ADGRV1: variants seen among roughly 807,000 people sequenced by gnomAD.
ADGRV1 encodes the protein G-protein coupled receptor 98.
ADGRV1 carries 359 observed loss-of-function variants against 596.2 expected under a neutral mutation model. The observed-to-expected ratio is 0.60, with a 90% CI of 0.55 to 0.66. The LOEUF is 0.66. ADGRV1 is among the 30% of genes least tolerant of loss of function. The probability of loss-of-function intolerance (pLI) is 0.00; values close to 1 mark genes in which losing one functional copy is unlikely to be tolerated. For missense variants in ADGRV1, 7,274 were observed against 7,575.6 expected (o/e 0.96, Z 1.48); for synonymous variants, 2,681 against 2,679.2 (o/e 1.00, Z -0.02).
At chr5:90,978,781 T>C (rs1466577728) in intron 84 of ADGRV1, among the ~76,000 whole-genome samples, 1 of 152,216 alleles carries the variant, frequency 6.6e-6, no homozygotes, top group Admixed American at 6.5e-5. Context: ...CATATATATG[T>C]ATATAAACAA....
At chr5:90,808,682 G>C (rs980131359) in intron 73 of ADGRV1, among the ~76,000 whole-genome samples, 2 of 152,176 alleles carry the variant, frequency 1.3e-5, no homozygotes, top group African/African-American at 4.8e-5. Context: ...ATCACCTGAG[G>C]TTAGGAACTC....
intron 78 of ADGRV1, among the ~76,000 whole-genome samples, chr5:90,847,763 T>C (rs1045296727): frequency 5.9e-5 from 9 of 152,184 alleles, no homozygotes; most frequent in Non-Finnish European, 1.2e-4. Context: ...GGCTGGCCGC[T>C]GAATGCGGGG....
At chr5:90,606,139 C>A (rs1160615472) in intron 1 of ADGRV1, among the ~76,000 whole-genome samples, 1 of 152,154 alleles carries the variant, frequency 6.6e-6, no homozygotes, top group Admixed American at 6.5e-5. Context: ...GCTTGGGATA[C>A]CTTTTTCTTA....
At position 90,625,481 on chromosome 5, in the gene ADGRV1, C is replaced by A; in HGVS notation, c.672+238C>A. On this transcript the variant is annotated intron_variant, in intron 6 of 89. Coordinates refer to ENST00000405460, the MANE Select transcript of ADGRV1 (RefSeq NM_032119.4). ...TACAAATATTTAAGCATTTTGTATA[C>A]CCTGGTAATCAATTTTTGTTAGTGC... The A allele has an allele frequency of 9.2e-6, 3 of 326,692 alleles. No homozygotes were observed. In the East Asian group the frequency reaches 1.5e-4, roughly 16 times the overall value. 20.2% of individuals were successfully genotyped at this position (326,692 alleles called of 1,614,324 possible).
In ADGRV1 at chr5:90,829,144, T is replaced by G. The variant is rs779932271; in HGVS notation, c.16569T>G (p.Asp5523Glu). Residue 5523 changes from aspartate to glutamate, a missense_variant, in exon 77 of 90, where the codon GAT (aspartate) becomes GAG (glutamate). This residue lies in a region of ADGRV1 where 1,874 missense variants were observed against 1,970.2 expected (regional missense o/e 0.95). Transcript: ENST00000405460. ...ATLISLQVAR[D>E]SGTGLMMSVN... ...TAATCAGTCTGCAGGTGGCCAGAGA[T>G]TCTGGGACAGGACTAATGATGTCTG... The G allele has an allele frequency of 3.7e-6, 6 of 1,600,050 alleles. No homozygotes were observed. The highest frequency in any genetic ancestry group is 5.1e-6 in the Non-Finnish European group (6 of 1,170,888).
chr5:90,897,550 C>A (rs1476436163), intron 83 of ADGRV1, among the ~76,000 whole-genome samples: 1 of 147,626 alleles, frequency 6.8e-6, no homozygotes, highest in Non-Finnish European at 1.5e-5. Context: ...ATACGAATAT[C>A]ATTGATAATC....
chr5:91,026,480 T>C (rs1190709817), intron 85 of ADGRV1, among the ~76,000 whole-genome samples: 2 of 152,194 alleles, frequency 1.3e-5, no homozygotes, highest in East Asian at 3.9e-4. Flanking sequence ...AAGTGAACAA[T>C]TTCAAGATTA....
At chr5:91,014,367 T>C (rs1483647711) in intron 85 of ADGRV1, among the ~76,000 whole-genome samples, 1 of 152,060 alleles carries the variant, frequency 6.6e-6, no homozygotes, top group African/African-American at 2.4e-5. Context: ...CAGGTTTTGG[T>C]ATCAGGATGA....
At chr5:90,836,112 G>A (rs1211897758) in intron 77 of ADGRV1, among the ~76,000 whole-genome samples, 1 of 152,134 alleles carries the variant, frequency 6.6e-6, no homozygotes, top group Non-Finnish European at 1.5e-5. Context: ...CACAGAGACT[G>A]GATCACTTAT....
chr5:91,154,807 T>C (rs752394352), intron 89 of ADGRV1, among the ~76,000 whole-genome samples: 68 of 152,266 alleles, frequency 4.5e-4, no homozygotes, highest in Admixed American at 1.8e-3. Flanking sequence ...CAGACACTTG[T>C]AAAACCATCA....
At position 90,724,949 on chromosome 5, in the gene ADGRV1, T is replaced by C. The variant is rs1580884689; in HGVS notation, c.9866T>C (p.Val3289Ala). The C allele has an allele frequency of 6.2e-7, 1 of 1,608,046 alleles. No individual in the cohort carries two copies. The change falls in exon 46 of 90, where the codon GTT (valine) becomes GCT (alanine). Residue 3289 changes from valine (V) to alanine (A), a missense_variant. Val to Ala is a moderately conservative substitution (Grantham distance 64). Around this residue, in one of 5 missense-constraint regions of ADGRV1, gnomAD observed 3,643 missense variants for 3,809.2 expected, o/e 0.96. Coordinates refer to ENST00000405460, the MANE Select transcript of ADGRV1 (RefSeq NM_032119.4). The part of the protein sequence containing the change: ...IYGIMLRKSS[V>A]TVYRWQGIFI... ...GGTATAATGTTAAGAAAATCATCTG[T>C]TACTGTTTACCGATGGCAGGGGATT...
chr5:90,842,852 A>G lies in ADGRV1; in HGVS notation c.17019+1867A>G, dbSNP rs1765551919. 2.0e-5 allele frequency among the ~76,000 whole-genome samples: 3 copies of G among 152,206 alleles called. No homozygotes were observed. The South Asian group carries it at 6.2e-4, about 31-fold the overall frequency. On this transcript the variant is annotated intron_variant, in intron 78 of 89. Coordinates refer to ENST00000405460, the MANE Select transcript of ADGRV1 (RefSeq NM_032119.4). The stretch of plus-strand genomic sequence containing the variant: ...CAAGTTATTGTCACTACTTTTTTAA[A>G]AATAGTATGATATAATGTACTCTCA...
intron 53 of ADGRV1, 79 bp from the exon 54 acceptor site, chr5:90,753,490 TAAAAG>T (rs945770091): frequency 1.0e-6 from 1 of 994,538 alleles, no homozygotes; most frequent in African/African-American, 1.7e-5. Flanking sequence ...ATAGGTTTAA[TAAAAG>T]AAAATCAATT....
intron 55 of ADGRV1, among the ~76,000 whole-genome samples, chr5:90,756,160 AC>A (rs1018008597): frequency 6.6e-6 from 1 of 152,158 alleles, no homozygotes; most frequent in African/African-American, 2.4e-5. Context: ...AATATGTAAA[AC>A]ATACAATAGA....
At chr5:90,796,270 G>C (rs544687609) in intron 70 of ADGRV1, among the ~76,000 whole-genome samples, 1 of 152,114 alleles carries the variant, frequency 6.6e-6, no homozygotes, top group Admixed American at 6.5e-5. Context: ...AACCAGTTTA[G>C]AGAAGAACAT....
At chr5:90,588,329 G>T (rs1167211261) in intron 1 of ADGRV1, among the ~76,000 whole-genome samples, 2 of 152,196 alleles carry the variant, frequency 1.3e-5, no homozygotes, top group Non-Finnish European at 2.9e-5. Flanking sequence ...TCATATAAAT[G>T]TGTTATATAT....
chr5:90,674,816 G>A (rs538034349), intron 23 of ADGRV1, among the ~76,000 whole-genome samples: 9 of 152,010 alleles, frequency 5.9e-5, no homozygotes, highest in Non-Finnish European at 1.2e-4. Context: ...TTCATAGTTA[G>A]GTTTTGTTTG....
intron 1 of ADGRV1, among the ~76,000 whole-genome samples, chr5:90,563,951 C>T (rs929228094): frequency 2.0e-5 from 3 of 152,170 alleles, no homozygotes; most frequent in Non-Finnish European, 4.4e-5. Context: ...ATGATATTTT[C>T]CTGTAATCCA....
chr5:90,962,703 G>A lies in ADGRV1; in HGVS notation c.17857-2712G>A, dbSNP rs551821149. On this transcript the variant is annotated intron_variant, in intron 83 of 89. Transcript: ENST00000405460. ...TGTGACAGCTCAGCCTCCTCTTGCT[G>A]ACTAATCTCCTGTACAGACAGAAGC... Among the ~76,000 whole-genome samples the A allele has an allele frequency of 3.4e-4, 52 of 152,266 alleles. 2 individuals are homozygous for A. The highest frequency in any genetic ancestry group is 6.8e-3 in the Middle Eastern group (2 of 294).
Sources: gnomAD v4.1 joint callset for allele counts (sites outside exome capture counted in the v4.1 genomes callset) on GRCh38, gnomAD v4.1.1 for gene constraint, gnomAD v4.1.1 regional missense constraint, MANE v1.5 for transcripts, NCBI Gene and HGNC (gene_info 2026-07-23, HGNC 2026-07-21) for gene names.